The following ETFDH variants were observed in gnomAD, a reference collection of about 807,000 sequenced individuals.
ETFDH encodes the protein electron transfer flavoprotein dehydrogenase, also known as electron transfer flavoprotein-ubiquinone oxidoreductase, mitochondrial.
Under a neutral mutation model 73.2 loss-of-function variants are expected in ETFDH, and 61 were observed. The observed-to-expected ratio is 0.83, with a 90% confidence interval of 0.68 to 1.03. The LOEUF (loss-of-function observed/expected upper bound fraction) is 1.03, where lower values mean the gene tolerates loss of function less well. Among genes scored for constraint, ETFDH ranks in the 50% least tolerant of loss-of-function variants. The pLI is 0.00. For synonymous variants in ETFDH, 243 were observed against 253.3 expected (o/e 0.96, Z 0.39); for missense variants, 685 against 745.0 (o/e 0.92, Z 0.94).
At chr4:158,697,730 G>A (rs777018255) in intron 8 of ETFDH, 31 bp downstream of exon 8, 1 of 1,593,530 alleles carries the variant, frequency 6.3e-7, no homozygotes, top group Non-Finnish European at 8.6e-7. Flanking sequence ...GGAAAATTCT[G>A]CTGCTAGAGT....
chr4:158,707,630 G>A (rs573476504), intron 12 of ETFDH, among the ~76,000 whole-genome samples: 2 of 152,308 alleles, frequency 1.3e-5, no homozygotes, highest in African/African-American at 4.8e-5. Flanking sequence ...CATTCGTTAT[G>A]TTACTTGGTA....
intron 1 of ETFDH, among the ~76,000 whole-genome samples, chr4:158,678,365 G>A (rs1002151721): frequency 6.6e-6 from 1 of 152,080 alleles, no homozygotes; most frequent in African/African-American, 2.4e-5. Context: ...GAGTTTGTCT[G>A]ATCATTTCTC....
chr4:158,678,653 CTTT>C (rs11438999), intron 1 of ETFDH, among the ~76,000 whole-genome samples: 7 of 140,298 alleles, frequency 5.0e-5, no homozygotes, highest in Admixed American at 7.2e-5. Context: ...ATATCACCAT[CTTT>C]TTTTTTTTTT....
rs533097197 is a variant in ETFDH, at chr4:158,706,715, T to C, written c.1555T>C (p.Leu519=). ...CGATGGACAGATCAGTTTTGACCTC[T>C]TGTCATCTGTGGCTCTGAGTGGTAC... ...KPDGQISFDL[L]SSVALSGTNH... Residue 519 remains leucine, a synonymous_variant, in exon 12 of 13, where the codon TTG becomes CTG. Coordinates refer to ENST00000511912, the MANE Select transcript of ETFDH (RefSeq NM_004453.4). 76 of 1,614,074 alleles carry C rather than the reference T, an allele frequency of 4.7e-5. No homozygotes were observed. The South Asian group carries it at 7.9e-4, about 17-fold the overall frequency.
chr4:158,675,768 CAAAAA>C (rs199648174), intron 1 of ETFDH, among the ~76,000 whole-genome samples: 1 of 78,708 alleles, frequency 1.3e-5, no homozygotes. Flanking sequence ...GACCCTGTCT[CAAAAA>C]AAAAAAAAAA....
At chr4:158,689,994 C>T (rs1246749576) in intron 5 of ETFDH, among the ~76,000 whole-genome samples, 1 of 152,064 alleles carries the variant, frequency 6.6e-6, no homozygotes, top group Non-Finnish European at 1.5e-5. Flanking sequence ...CCTTCATGTT[C>T]TTCATGTGTT....
Position 158,682,237 on chromosome 4 carries a change from T to C in ETFDH, c.218T>C (p.Ile73Thr), listed in dbSNP as rs1375415342. ...ERFAEEADVV[I>T]VGAGPAGLSA... ...TTTGCAGAAGAAGCAGATGTTGTAA[T>C]AGTTGGTGCAGGCCCTGCAGGGCTC... Residue 73 changes from isoleucine to threonine, a missense_variant, in exon 3 of 13, where the codon ATA (isoleucine) becomes ACA (threonine). Coordinates refer to ENST00000511912, the MANE Select transcript of ETFDH (RefSeq NM_004453.4). 2 of 1,614,182 alleles carry C rather than the reference T, an allele frequency of 1.2e-6. No homozygotes were observed.
In ETFDH at chr4:158,684,681, A is replaced by G. The variant is rs1773956780; in HGVS notation, c.487+8A>G. Reference sequence around the variant, plus strand: ...CTGTGCCAATTCTTCCAGGTAAGGTATAGTGAATATGCATAGAACTATGGA... The same window carrying G: ...CTGTGCCAATTCTTCCAGGTAAGGTGTAGTGAATATGCATAGAACTATGGA... On this transcript the variant is annotated splice_region_variant and intron_variant, in intron 4 of 12. Coordinates refer to ENST00000511912, the MANE Select transcript of ETFDH (RefSeq NM_004453.4). The G allele has an allele frequency of 7.4e-7, 1 of 1,342,988 alleles. No individual in the cohort carries two copies. The highest frequency in any genetic ancestry group is 1.1e-6 in the Non-Finnish European group (1 of 932,678). 83.2% of individuals were successfully genotyped at this position (1,342,988 alleles called of 1,614,324 possible).
At chr4:158,698,255 T>A (rs547845247) in intron 8 of ETFDH, among the ~76,000 whole-genome samples, 1 of 152,362 alleles carries the variant, frequency 6.6e-6, no homozygotes, top group African/African-American at 2.4e-5. Context: ...ACCTTGCAAC[T>A]GGTGGCAGCT....
In ETFDH at chr4:158,694,650, A is replaced by G. The variant is rs538985992; in HGVS notation, c.685-847A>G. Among the ~76,000 whole-genome samples the G allele has an allele frequency of 7.9e-5, 12 of 152,304 alleles. No individual in the cohort carries two copies. In the East Asian group the frequency reaches 2.3e-3, roughly 29 times the overall value. ...ATAAAATAGTTATCACACTTGATAC[A>G]CTAGCAAAAATGTAAAAGGAACAGT... On this transcript the variant is annotated intron_variant, in intron 6 of 12. Transcript: ENST00000511912.
chr4:158,682,444 A>G lies in ETFDH; in HGVS notation c.405+20A>G. ...AAGGGGGTATGAAAAATTGTTTTTTATACAAAGTCTAATCTTTTGTAATTG... is the reference window on the plus strand; with the variant it reads ...AAGGGGGTATGAAAAATTGTTTTTTGTACAAAGTCTAATCTTTTGTAATTG... On this transcript the variant is annotated intron_variant, in intron 3 of 12. Transcript: ENST00000511912. 6.4e-7 allele frequency: 1 copy of G among 1,569,930 alleles called. No homozygotes were observed. The highest frequency in any genetic ancestry group is 1.3e-5 in the African/African-American group (1 of 74,132).
intron 1 of ETFDH, among the ~76,000 whole-genome samples, chr4:158,675,055 TTAATA>T (rs1451737391): frequency 1.3e-5 from 2 of 152,224 alleles, no homozygotes; most frequent in African/African-American, 4.8e-5. Flanking sequence ...TTAATAAACT[TTAATA>T]AGATATGTCA....
At chr4:158,688,787 T>TA (rs1267373103) in intron 5 of ETFDH, among the ~76,000 whole-genome samples, 1 of 152,250 alleles carries the variant, frequency 6.6e-6, no homozygotes, top group African/African-American at 2.4e-5. Flanking sequence ...GCCAGGTAGA[T>TA]ACAATCCATT....
intron 3 of ETFDH, 124 bp from the exon 4 acceptor site, chr4:158,684,468 C>T (rs1017836509): frequency 4.9e-6 from 3 of 614,442 alleles, no homozygotes; most frequent in Non-Finnish European, 8.7e-6. Flanking sequence ...AAAGGAAATG[C>T]CAAAAGAAAA....
In ETFDH at chr4:158,706,538, GATA is replaced by G. The variant is rs1288539782; in HGVS notation, c.1469-87_1469-85del. On this transcript the variant is annotated intron_variant, in intron 11 of 12. Transcript: ENST00000511912. The stretch of plus-strand genomic sequence containing the variant: ...AGGGCTAGTCATATTTCTTTGGTGT[GATA>G]ATATTTTGAAGTTTTTATACAAATA... 77 of 1,180,156 alleles carry G rather than the reference GATA, an allele frequency of 6.5e-5. 1 individual carries two copies. Among genetic ancestry groups the G allele is most frequent in the South Asian group, 6.5e-4 (53 of 81,876 alleles). 73.1% of individuals were successfully genotyped at this position (1,180,156 alleles called of 1,614,324 possible).
At position 158,672,296 on chromosome 4, in the gene ETFDH, G is replaced by C; in HGVS notation, c.-161G>C. The C allele has an allele frequency of 2.6e-6, 2 of 770,244 alleles. No individual in the cohort carries two copies. The highest frequency in any genetic ancestry group is 2.9e-5 in the South Asian group (2 of 69,062). The allele number at this position is 770,244 out of a possible 1,614,324, so 47.7% of individuals were successfully genotyped here. On this transcript the variant is annotated 5_prime_UTR_variant, in exon 1 of 13. Transcript: ENST00000511912. ...AGAGCGAGAAGGAGGTGGGAACGCCGTGAAGCAAGAGCGGTCGGCAGAGCG... is the reference window on the plus strand; with the variant it reads ...AGAGCGAGAAGGAGGTGGGAACGCCCTGAAGCAAGAGCGGTCGGCAGAGCG...
chr4:158,697,830 G>A (rs1250471554), intron 8 of ETFDH, 131 bp downstream of exon 8: 11 of 839,338 alleles, frequency 1.3e-5, no homozygotes, highest in African/African-American at 3.4e-5. Context: ...TTATCAATAT[G>A]TAAAGTGCTT....
intron 5 of ETFDH, among the ~76,000 whole-genome samples, chr4:158,689,796 C>T (rs1157062550): frequency 1.3e-5 from 2 of 151,746 alleles, no homozygotes; most frequent in East Asian, 3.9e-4. Flanking sequence ...CCAAGGGTTA[C>T]AGACTATTGC....
chr4:158,704,442 GGTCTTTGCTCA>G (rs1774553019), intron 10 of ETFDH, among the ~76,000 whole-genome samples: 3 of 152,136 alleles, frequency 2.0e-5, no homozygotes, highest in Non-Finnish European at 4.4e-5. Flanking sequence ...CCCACCTCAT[GGTCTTTGCTCA>G]CGGCTGGCTC....
Sources: allele counts gnomAD v4.1 joint callset (sites outside exome capture counted in the v4.1 genomes callset), GRCh38; gene constraint gnomAD v4.1.1; transcripts MANE v1.5; gene names NCBI Gene and HGNC (gene_info 2026-07-23, HGNC 2026-07-21).